Variants in MED13L observed in about 807,000 individuals in gnomAD.
MED13L encodes mediator of RNA polymerase II transcription subunit 13-like.
In MED13L, 7 loss-of-function variants were observed where a neutral mutation model predicts 220.9. The observed-to-expected ratio is 0.03, with a 90% CI of 0.02 to 0.06. The LOEUF (loss-of-function observed/expected upper bound fraction) is 0.06, where lower values mean the gene tolerates loss of function less well. Ranked by LOEUF, MED13L falls within the 10% of genes least tolerant of loss-of-function variation. The probability of loss-of-function intolerance (pLI) is 1.00; values close to 1 mark genes in which losing one functional copy is unlikely to be tolerated. For synonymous variants in MED13L, 1,011 were observed against 1,015.2 expected (o/e 1.00, Z 0.08); for missense variants, 1,965 against 2,760.5 (o/e 0.71, Z 6.46).
At chr12:115,965,949 A>C (rs1055752025) in intron 29 of MED13L, 133 bp downstream of exon 29, 2 of 1,139,074 alleles carry the variant, frequency 1.8e-6, no homozygotes, top group Non-Finnish European at 2.6e-6. Context: ...ATTTCCTCAG[A>C]GTATAAGTAG....
chr12:116,187,568 T>G (rs918813966), intron 2 of MED13L, among the ~76,000 whole-genome samples: 22 of 152,180 alleles, frequency 1.4e-4, no homozygotes, highest in African/African-American at 5.1e-4. Context: ...TCTGCAAAAG[T>G]TCAATTTATC....
intron 2 of MED13L, among the ~76,000 whole-genome samples, chr12:116,123,954 C>T (rs996830505): frequency 6.6e-6 from 1 of 152,072 alleles, no homozygotes; most frequent in African/African-American, 2.4e-5. Flanking sequence ...TCTCGTTACA[C>T]AACAAGCACA....
At chr12:116,084,396 A>G (rs1182043225) in intron 4 of MED13L, among the ~76,000 whole-genome samples, 1 of 152,226 alleles carries the variant, frequency 6.6e-6, no homozygotes, top group Non-Finnish European at 1.5e-5. Context: ...CTGCAGGTAA[A>G]GTTGCAAACG....
intron 1 of MED13L, among the ~76,000 whole-genome samples, chr12:116,263,175 A>ACAT (rs1025720601): frequency 1.3e-5 from 2 of 152,176 alleles, no homozygotes; most frequent in African/African-American, 4.8e-5. Flanking sequence ...TTTTAGAATA[A>ACAT]CTATTATGTA....
intron 2 of MED13L, among the ~76,000 whole-genome samples, chr12:116,218,401 T>C (rs1030967532): frequency 6.6e-6 from 1 of 152,162 alleles, no homozygotes; most frequent in Admixed American, 6.5e-5. Flanking sequence ...ATTCCTGCAA[T>C]GCCAACAATT....
chr12:116,019,556 G>A (rs1879929797), intron 6 of MED13L, 144 bp from the exon 7 acceptor site: 1 of 1,136,448 alleles, frequency 8.8e-7, no homozygotes, highest in African/African-American at 1.5e-5. Context: ...TAAGTTAATA[G>A]CTGTTTAAAC....
At chr12:115,966,482 G>T (rs1347048697) in intron 28 of MED13L, among the ~76,000 whole-genome samples, 1 of 152,186 alleles carries the variant, frequency 6.6e-6, no homozygotes, top group Non-Finnish European at 1.5e-5. Flanking sequence ...ATTTGCTTGG[G>T]TTTCTTTTCT....
Position 116,121,672 on chromosome 12 carries a change from CTATGATACA to C in MED13L, c.311-10169_311-10161del, listed in dbSNP as rs1424278383. Among the ~76,000 whole-genome samples the C allele has an allele frequency of 2.0e-4, 31 of 152,288 alleles. 1 individual carries two copies. In the Middle Eastern group the frequency reaches 0.017, roughly 84 times the overall value. ...TCAAAGAATACATATTTCCTCTGAG[CTATGATACA>C]TATTTCCTTTTAATGTATCATATTG... On this transcript the variant is annotated intron_variant, in intron 2 of 30. Transcript: ENST00000281928.
At chr12:115,980,679 TTAGA>T (rs1877263875) in intron 23 of MED13L, 67 bp downstream of exon 23, 4 of 1,508,384 alleles carry the variant, frequency 2.7e-6, no homozygotes, top group African/African-American at 1.4e-5. Flanking sequence ...AATCTCTGGG[TTAGA>T]TAAAATACCT....
intron 2 of MED13L, among the ~76,000 whole-genome samples, chr12:116,126,610 T>A (rs1875611405): frequency 6.6e-6 from 1 of 152,090 alleles, no homozygotes; most frequent in African/African-American, 2.4e-5. Context: ...TACAAAGAGT[T>A]TGCAAAGAGG....
At chr12:116,078,235 A>G (rs1189659821) in intron 4 of MED13L, among the ~76,000 whole-genome samples, 1 of 152,128 alleles carries the variant, frequency 6.6e-6, no homozygotes, top group African/African-American at 2.4e-5. Context: ...CATTCATCCA[A>G]TCATTTCTTG....
chr12:116,127,333 A>G (rs879381760), intron 2 of MED13L, among the ~76,000 whole-genome samples: 2 of 152,214 alleles, frequency 1.3e-5, no homozygotes, highest in Admixed American at 6.5e-5. Context: ...CGAAAAATAC[A>G]TATGAGATAA....
chr12:116,072,403 A>T (rs955029966), intron 4 of MED13L, among the ~76,000 whole-genome samples: 2 of 152,216 alleles, frequency 1.3e-5, no homozygotes, highest in African/African-American at 4.8e-5. Context: ...GAATTTTCTA[A>T]AGAGACTTCT....
chr12:116,099,743 G>A (rs1259795441), intron 3 of MED13L, among the ~76,000 whole-genome samples: 1 of 152,202 alleles, frequency 6.6e-6, no homozygotes, highest in Non-Finnish European at 1.5e-5. Flanking sequence ...GAGGGTAGAA[G>A]AGCAGTGCAC....
intron 30 of MED13L, among the ~76,000 whole-genome samples, chr12:115,963,049 T>C (rs1875879160): frequency 6.6e-6 from 1 of 152,048 alleles, no homozygotes; most frequent in African/African-American, 2.4e-5. Context: ...ACATAATCTA[T>C]CTCAGGAAGC....
At chr12:116,111,657 A>G (rs1398898864) in intron 2 of MED13L, 145 bp from the exon 3 acceptor site, 1 of 681,356 alleles carries the variant, frequency 1.5e-6, no homozygotes, top group East Asian at 2.7e-5. Context: ...CAGAGAGTGG[A>G]ATTTAAGTAT....
At chr12:115,961,548 T>A (rs1875755077) in intron 30 of MED13L, 150 bp from the exon 31 acceptor site, 3 of 1,093,316 alleles carry the variant, frequency 2.7e-6, no homozygotes, top group Non-Finnish European at 4.0e-6. Flanking sequence ...CTTTGTCTCA[T>A]GTTCCTCCTT....
chr12:116,053,167 T>A lies in MED13L; in HGVS notation c.480-30566A>T, dbSNP rs188735106. Among the ~76,000 whole-genome samples the A allele has an allele frequency of 1.4e-3, 216 of 152,256 alleles. 2 individuals carry two copies. Among genetic ancestry groups the A allele is most frequent in the Admixed American group, 0.012 (184 of 15,276 alleles). On this transcript the variant is annotated intron_variant, in intron 4 of 30. Coordinates refer to ENST00000281928, the MANE Select transcript of MED13L (RefSeq NM_015335.5). ...TAGTTTCTTATTAAAAAGTAAAAAA[T>A]TCCTTTTTATTCAATGACTTCTAAA...
chr12:116,204,663 A>G (rs1394389141), intron 2 of MED13L, among the ~76,000 whole-genome samples: 1 of 152,016 alleles, frequency 6.6e-6, no homozygotes, highest in African/African-American at 2.4e-5. Context: ...ACTCTCCATT[A>G]TATGTGTCCT....
Sources: gnomAD v4.1 joint callset for allele counts (sites outside exome capture counted in the v4.1 genomes callset) on GRCh38, gnomAD v4.1.1 for gene constraint, MANE v1.5 for transcripts, NCBI Gene and HGNC (gene_info 2026-07-23, HGNC 2026-07-21) for gene names.